MRPS6: variants seen among roughly 807,000 people sequenced by gnomAD.
MRPS6 encodes the protein mitochondrial ribosomal protein S6, also known as small ribosomal subunit protein bS6m.
MRPS6 carries 6 observed loss-of-function variants against 13.1 expected under a neutral mutation model. The observed-to-expected ratio is 0.46, with a 90% CI of 0.25 to 0.91. The LOEUF is 0.91. Among genes scored for constraint, MRPS6 ranks in the 40% least tolerant of loss-of-function variants. The pLI, the probability that MRPS6 is intolerant of heterozygous loss-of-function variation, is 0.18. For missense variants in MRPS6, 164 were observed against 155.6 expected, an observed-to-expected ratio of 1.05 and a Z score of -0.29; for synonymous variants, 61 against 56.5, an observed-to-expected ratio of 1.08 and a Z score of -0.36.
chr21:34,100,383 A>C, intron 1 of MRPS6: 2 of 1,000,144 alleles, frequency 2.0e-6, no homozygotes, highest in Non-Finnish European at 2.4e-6. Context: ...GAGAGTAAAC[A>C]CTTGAGCCGA....
chr21:34,125,398 A>G lies in MRPS6; in HGVS notation c.103A>G (p.Ile35Val), dbSNP rs1170963096. 6.2e-7 allele frequency: 1 copy of G among 1,614,106 alleles called. No individual in the cohort carries two copies. Among genetic ancestry groups the G allele is most frequent in the East Asian group, 2.2e-5 (1 of 44,884 alleles). The stretch of plus-strand genomic sequence containing the variant: ...AGAGGCCCTGATGGACAGAGGAGCA[A>G]TAGTGAGGGACTTGGAAAACCTGGG... ...TIEALMDRGA[I>V]VRDLENLGER... Residue 35 changes from isoleucine (I) to valine (V), a missense_variant, in exon 2 of 3, where the codon ATA (isoleucine) becomes GTA (valine). Coordinates refer to ENST00000399312, the MANE Select transcript of MRPS6 (RefSeq NM_032476.4).
intron 1 of MRPS6, among the ~76,000 whole-genome samples, chr21:34,085,328 C>T (rs1475721277): frequency 6.6e-6 from 1 of 152,088 alleles, no homozygotes; most frequent in Non-Finnish European, 1.5e-5. Flanking sequence ...ATAGGGATGT[C>T]AATGCATCAC....
At chr21:34,139,295 C>G (rs1024661063) in intron 2 of MRPS6, among the ~76,000 whole-genome samples, 2 of 151,612 alleles carry the variant, frequency 1.3e-5, no homozygotes, top group Non-Finnish European at 2.9e-5. Context: ...ATGTAACTAA[C>G]CTGCACATTG....
intron 1 of MRPS6, chr21:34,102,005 A>C (rs1176634918): frequency 1.0e-6 from 1 of 1,000,074 alleles, no homozygotes; most frequent in African/African-American, 1.7e-5. Context: ...ATTAGTTGGC[A>C]TATAGAGGAA....
At chr21:34,098,197 T>G (rs1979060949) in intron 1 of MRPS6, 3 of 999,606 alleles carry the variant, frequency 3.0e-6, no homozygotes. Flanking sequence ...CTAAGCAGTG[T>G]TTGATTAACT....
Position 34,081,609 on chromosome 21 carries a change from G to A in MRPS6, c.45+7864G>A, listed in dbSNP as rs144669508. Reference sequence around the variant, plus strand: ...AGATGGGACTGGGTTTTGGATTGTAGCACCTACTTCCTAAGGACTTTAACC... The same window carrying A: ...AGATGGGACTGGGTTTTGGATTGTAACACCTACTTCCTAAGGACTTTAACC... On this transcript the variant is annotated intron_variant, in intron 1 of 2. Coordinates refer to ENST00000399312, the MANE Select transcript of MRPS6 (RefSeq NM_032476.4). 7.5e-3 allele frequency among the ~76,000 whole-genome samples: 1,135 copies of A among 152,270 alleles called. 9 individuals carry two copies. The highest frequency in any genetic ancestry group is 0.011 in the Non-Finnish European group (747 of 68,024).
chr21:34,084,581 TAC>T (rs1015794620), intron 1 of MRPS6, among the ~76,000 whole-genome samples: 2 of 152,142 alleles, frequency 1.3e-5, no homozygotes, highest in Admixed American at 1.3e-4. Flanking sequence ...CTACATATTA[TAC>T]ACACACACAT....
At chr21:34,092,866 G>C (rs1978776812) in intron 1 of MRPS6, among the ~76,000 whole-genome samples, 2 of 152,242 alleles carry the variant, frequency 1.3e-5, no homozygotes, top group Non-Finnish European at 2.9e-5. Flanking sequence ...AGTGATACCT[G>C]ATTAGCCAGG....
intron 1 of MRPS6, among the ~76,000 whole-genome samples, chr21:34,091,252 C>G (rs1463458542): frequency 1.7e-4 from 2 of 11,978 alleles, no homozygotes; most frequent in African/African-American, 4.1e-4. Flanking sequence ...TTGCGTACTA[C>G]TCTTTGCAGG....
At chr21:34,113,858 G>A (rs2148665537) in intron 1 of MRPS6, among the ~76,000 whole-genome samples, 1 of 152,230 alleles carries the variant, frequency 6.6e-6, no homozygotes, top group Non-Finnish European at 1.5e-5. Context: ...TAAATCTTTG[G>A]TTGACTGTTC....
At chr21:34,111,057 G>A (rs1215268446) in intron 1 of MRPS6, among the ~76,000 whole-genome samples, 1 of 152,170 alleles carries the variant, frequency 6.6e-6, no homozygotes, top group Non-Finnish European at 1.5e-5. Context: ...TGATATGTGA[G>A]CTGAAACAAG....
At chr21:34,118,079 T>G (rs1272158139) in intron 1 of MRPS6, among the ~76,000 whole-genome samples, 1 of 152,186 alleles carries the variant, frequency 6.6e-6, no homozygotes, top group Non-Finnish European at 1.5e-5. Context: ...GGGGTATTTT[T>G]GTTTTTGCAG....
At chr21:34,124,101 A>C (rs1980218416) in intron 1 of MRPS6, 1 of 152,090 alleles carries the variant, frequency 6.6e-6, no homozygotes, top group Non-Finnish European at 1.5e-5. Flanking sequence ...TGTGCAGGTG[A>C]CTATGAAATG....
chr21:34,110,248 G>T (rs1194428912), intron 1 of MRPS6, among the ~76,000 whole-genome samples: 1 of 152,142 alleles, frequency 6.6e-6, no homozygotes, highest in East Asian at 1.9e-4. Context: ...TGGATCACTT[G>T]AGCCCAGGAG....
chr21:34,117,119 ATTT>A (rs1034120279), intron 1 of MRPS6, among the ~76,000 whole-genome samples: 4 of 152,206 alleles, frequency 2.6e-5, no homozygotes, highest in Admixed American at 2.6e-4. Context: ...GAAAGTTTAC[ATTT>A]TTACCAATAG....
intron 2 of MRPS6, among the ~76,000 whole-genome samples, chr21:34,136,335 G>A (rs6517204): frequency 1 from 151,521 of 152,174 alleles, 75,437 homozygotes; most frequent in Middle Eastern, 1. Flanking sequence ...TTTGGTAGAG[G>A]TAGGGTTTCA....
chr21:34,079,653 C>T (rs1266850526), intron 1 of MRPS6, among the ~76,000 whole-genome samples: 1 of 118,096 alleles, frequency 8.5e-6, no homozygotes, highest in Non-Finnish European at 1.6e-5. Context: ...GGGGTTTCAC[C>T]ATGTTGGCCA....
chr21:34,111,348 G>A (rs1979691971), intron 1 of MRPS6, among the ~76,000 whole-genome samples: 1 of 152,132 alleles, frequency 6.6e-6, no homozygotes, highest in Non-Finnish European at 1.5e-5. Flanking sequence ...CTGCCAAGGA[G>A]GCTCATTCCA....
At chr21:34,128,011 A>G (rs1980368943) in intron 2 of MRPS6, among the ~76,000 whole-genome samples, 1 of 152,216 alleles carries the variant, frequency 6.6e-6, no homozygotes, top group South Asian at 2.1e-4. Flanking sequence ...TTGGCTGGCT[A>G]ATGGAGTGAG....
Sources: gnomAD v4.1 joint callset for allele counts (sites outside exome capture counted in the v4.1 genomes callset) on GRCh38, gnomAD v4.1.1 for gene constraint, MANE v1.5 for transcripts, NCBI Gene and HGNC (gene_info 2026-07-23, HGNC 2026-07-21) for gene names.